Variants in SUV39H1 observed in about 807,000 individuals in gnomAD.
SUV39H1 encodes the protein histone-lysine N-methyltransferase SUV39H1.
For synonymous variants in SUV39H1, 141 were observed against 150.5 expected (o/e 0.94, Z 0.46); for missense variants, 180 against 386.3 (o/e 0.47, Z 4.48).
Position 48,700,305 on chromosome X carries a change from C to T in SUV39H1, c.380C>T (p.Ala127Val). 3 of 1,208,138 alleles carry T rather than the reference C, an allele frequency of 2.5e-6. No homozygotes were observed. The highest frequency in any genetic ancestry group is 3.4e-6 in the Non-Finnish European group (3 of 893,531). ...YLVQKAKQRRALRRWEQELNA... is the reference protein window; with the variant it reads ...YLVQKAKQRRVLRRWEQELNA... Reference sequence around the variant, plus strand: ...GTGCAGAAGGCCAAGCAGAGGCGGGCGCTCCGTCGCTGGGAGCAGGAGCTC... The same window carrying T: ...GTGCAGAAGGCCAAGCAGAGGCGGGTGCTCCGTCGCTGGGAGCAGGAGCTC... Residue 127 changes from alanine to valine, a missense_variant, in exon 3 of 6, where the codon GCG becomes GTG. Physicochemically the swap from Ala to Val is moderately conservative, Grantham distance 64 (BLOSUM62 0). Transcript: ENST00000376687.
rs187731837 is a variant in SUV39H1, at chrX:48,698,909, C to T, written c.27C>T (p.Ser9=). The T allele has an allele frequency of 9.2e-5, 111 of 1,208,129 alleles. No homozygotes were observed. Among genetic ancestry groups the T allele is most frequent in the Non-Finnish European group, 1.2e-4 (106 of 894,462 alleles). Residue 9 remains serine, a synonymous_variant, in exon 2 of 6, where the codon AGC becomes AGT. Transcript: ENST00000376687. The part of the protein sequence containing the change: MAENLKGC[S]VCCKSSWNQL... ...CTGCCCCGCTTGATCCAGGCTGCAG[C>T]GTGTGTTGCAAGTCTTCTTGGAATC...
intron 3 of SUV39H1, among the ~76,000 whole-genome samples, chrX:48,702,398 G>C (rs970758582): frequency 5.4e-5 from 6 of 111,401 alleles, no homozygotes; most frequent in Non-Finnish European, 1.1e-4. Context: ...AGAGGGATCC[G>C]GACAGCCTGG....
At chrX:48,695,987 G>T, upstream of SUV39H1, 3 of 1,012,971 alleles carry the variant, frequency 3.0e-6, no homozygotes, top group Non-Finnish European at 4.0e-6. Context: ...GAAAGACAGT[G>T]ACCAACTGAT....
rs920563693 is a variant in SUV39H1 at position 48,708,142 on chromosome X, T to C, written c.*572T>C. ...TCGTGCTTACAGTGCTGGGTAGTGTTGGCCCTAAGAGCTGTAGGGTCTCTT... is the reference window on the plus strand; with the variant it reads ...TCGTGCTTACAGTGCTGGGTAGTGTCGGCCCTAAGAGCTGTAGGGTCTCTT... On this transcript the variant is annotated 3_prime_UTR_variant, in exon 6 of 6. Transcript: ENST00000376687. The C allele has an allele frequency of 1.2e-5, 2 of 171,729 alleles. No individual in the cohort carries two copies. Among genetic ancestry groups the C allele is most frequent in the Non-Finnish European group, 2.2e-5 (2 of 91,392 alleles). The allele number at this position is 171,729 out of a possible 1,213,427, so 14.2% of individuals were successfully genotyped here. A position where few individuals can be genotyped will look rare whatever the true frequency, so the allele number is the denominator to read the frequency against.
At position 48,700,335 on chromosome X, in the gene SUV39H1, C is replaced by T. The variant is rs782503684; in HGVS notation, c.410C>T (p.Ala137Val). Residue 137 changes from alanine to valine, a missense_variant, in exon 3 of 6, where the codon GCC (alanine) becomes GTC (valine). Coordinates refer to ENST00000376687, the MANE Select transcript of SUV39H1 (RefSeq NM_003173.4). ...CGTCGCTGGGAGCAGGAGCTCAATGCCAAGCGCAGCCATCTGGGACGCATC... is the reference window on the plus strand; with the variant it reads ...CGTCGCTGGGAGCAGGAGCTCAATGTCAAGCGCAGCCATCTGGGACGCATC... Reference protein sequence around the residue: ...ALRRWEQELNAKRSHLGRITV... With the variant: ...ALRRWEQELNVKRSHLGRITV... 1 of 1,211,960 alleles carries T rather than the reference C, an allele frequency of 8.3e-7. No individual in the cohort carries two copies. Among genetic ancestry groups the T allele is most frequent in the Non-Finnish European group, 1.1e-6 (1 of 895,511 alleles).
chrX:48,706,369 T>C lies in SUV39H1; in HGVS notation c.933T>C (p.Asp311=). ...ACGTGGAGGACGTGTACACCGTGGA[T>C]GCCGCCTACTATGGCAACATCTCCC... ...LDYVEDVYTV[D]AAYYGNISHF... Residue 311 remains aspartate, a synonymous_variant, in exon 4 of 6, where the codon GAT becomes GAC. Transcript: ENST00000376687. 8.3e-7 allele frequency: 1 copy of C among 1,211,591 alleles called. No individual in the cohort carries two copies. Among genetic ancestry groups the C allele is most frequent in the African/African-American group, 1.7e-5 (1 of 57,888 alleles).
chrX:48,703,458 G>A (rs967022595), intron 3 of SUV39H1, among the ~76,000 whole-genome samples: 3 of 111,322 alleles, frequency 2.7e-5, no homozygotes, highest in Non-Finnish European at 3.8e-5. Flanking sequence ...CTCCCTCCAC[G>A]GGAGCTGCCC....
In SUV39H1 at chrX:48,707,637, C is replaced by T; in HGVS notation, c.*67C>T. 3.4e-6 allele frequency: 4 copies of T among 1,173,432 alleles called. No individual in the cohort carries two copies. Among genetic ancestry groups the T allele is most frequent in the Non-Finnish European group, 4.6e-6 (4 of 865,296 alleles). Reference sequence around the variant, plus strand: ...GCTACATGCACCTCCCCCACTGCTGCCCTCCTGTCGAGAATGACTGCCAGG... The same window carrying T: ...GCTACATGCACCTCCCCCACTGCTGTCCTCCTGTCGAGAATGACTGCCAGG... On this transcript the variant is annotated 3_prime_UTR_variant, in exon 6 of 6. Coordinates refer to ENST00000376687, the MANE Select transcript of SUV39H1 (RefSeq NM_003173.4).
chrX:48,696,017 T>C, upstream of SUV39H1: 1 of 871,725 alleles, frequency 1.1e-6, no homozygotes, highest in Non-Finnish European at 1.6e-6. Flanking sequence ...CAGGGCTGTA[T>C]TAGATGCTGA....
Position 48,698,946 on chromosome X carries a change from C to T in SUV39H1, c.64C>T (p.Leu22=). 1 of 1,210,129 alleles carries T rather than the reference C, an allele frequency of 8.3e-7. No individual in the cohort carries two copies. Among genetic ancestry groups the T allele is most frequent in the Non-Finnish European group, 1.1e-6 (1 of 894,750 alleles). The part of the protein sequence containing the change: ...CKSSWNQLQD[L]CRLAKLSCPA... ...GTCTTCTTGGAATCAGCTGCAGGAC[C>T]TGTGCCGCCTGGCCAAGCTCTCCTG... The change falls in exon 2 of 6, where the codon CTG becomes TTG. Residue 22 remains leucine, a synonymous_variant. Coordinates refer to ENST00000376687, the MANE Select transcript of SUV39H1 (RefSeq NM_003173.4).
chrX:48,696,133 C>A (rs1018153703), upstream of SUV39H1, among the ~76,000 whole-genome samples: 2 of 112,899 alleles, frequency 1.8e-5, no homozygotes, highest in East Asian at 2.8e-4. Context: ...GGTCCCAGGG[C>A]TATGGTGGGT....
At chrX:48,700,986 G>A (rs2062473402) in intron 3 of SUV39H1, 1 of 469,780 alleles carries the variant, frequency 2.1e-6, no homozygotes, top group Non-Finnish European at 3.8e-6. Context: ...TCTGCACTGG[G>A]TTGACTTTAT....
chrX:48,706,750 C>A, intron 5 of SUV39H1, 123 bp downstream of exon 5: 1 of 823,187 alleles, frequency 1.2e-6, no homozygotes, highest in Non-Finnish European at 1.7e-6. Flanking sequence ...CTTTAAGATG[C>A]TCTTCCTGAC....
chrX:48,696,950 C>A (rs1428510355), intron 1 of SUV39H1, 147 bp downstream of exon 1: 7 of 158,509 alleles, frequency 4.4e-5, no homozygotes, highest in African/African-American at 2.5e-4. Context: ...TCGGGGAGCG[C>A]GGGCCTGGTG....
chrX:48,704,854 C>G (rs1347817263), intron 3 of SUV39H1, among the ~76,000 whole-genome samples: 1 of 111,170 alleles, frequency 9.0e-6, no homozygotes, highest in Non-Finnish European at 1.9e-5. Context: ...GAGAGTGGAC[C>G]GGGCCTGGTC....
upstream of SUV39H1, among the ~76,000 whole-genome samples, chrX:48,696,225 C>T (rs973925967): frequency 1.8e-5 from 2 of 112,433 alleles, no homozygotes; most frequent in Non-Finnish European, 3.8e-5. Context: ...GCTAACAGTG[C>T]TGTCTGCCTG....
rs1557010343 is a variant in SUV39H1 at position 48,707,456 on chromosome X, G to A, written c.1125G>A (p.Glu375=). 2.5e-6 allele frequency: 3 copies of A among 1,208,513 alleles called. No homozygotes were observed. Among genetic ancestry groups the A allele is most frequent in the Non-Finnish European group, 3.4e-6 (3 of 893,870 alleles). ...YNMQVDPVDM[E]STRMDSNFGL... ...CCACAGTGGACCCCGTGGACATGGAGAGCACCCGCATGGACTCCAACTTTG... is the reference window on the plus strand; with the variant it reads ...CCACAGTGGACCCCGTGGACATGGAAAGCACCCGCATGGACTCCAACTTTG... Residue 375 remains glutamate, a synonymous_variant, in exon 6 of 6, where the codon GAG becomes GAA. Coordinates refer to ENST00000376687, the MANE Select transcript of SUV39H1 (RefSeq NM_003173.4).
chrX:48,696,719 C>T (rs1417133875), upstream of SUV39H1: 4 of 1,119,591 alleles, frequency 3.6e-6, no homozygotes, highest in African/African-American at 7.6e-5. Context: ...CGTTCCCGGC[C>T]ACGCCCGCGC....
chrX:48,696,409 T>A (rs1256847870), upstream of SUV39H1, among the ~76,000 whole-genome samples: 1 of 111,732 alleles, frequency 8.9e-6, no homozygotes, highest in African/African-American at 3.3e-5. Context: ...TAAAATGAGA[T>A]GACGGGCTGA....
Sources: allele counts gnomAD v4.1 joint callset (sites outside exome capture counted in the v4.1 genomes callset), GRCh38; gene constraint gnomAD v4.1.1; transcripts MANE v1.5; gene names NCBI Gene and HGNC (gene_info 2026-07-23, HGNC 2026-07-21).